GIN1: variants seen among roughly 807,000 people sequenced by gnomAD.
GIN1 encodes the protein gypsy retrotransposon integrase 1, also known as gypsy retrotransposon integrase-like protein 1.
In GIN1, 41 loss-of-function variants were observed where a neutral mutation model predicts 51.4. The observed-to-expected ratio is 0.80, with a 90% confidence interval of 0.62 to 1.04. The LOEUF (loss-of-function observed/expected upper bound fraction) is 1.04. Ranked by LOEUF, GIN1 falls within the 50% of genes least tolerant of loss-of-function variation. GIN1 has a pLI of 0.00. For synonymous variants in GIN1, 222 were observed against 206.5 expected (o/e 1.07, Z -0.64); for missense variants, 610 against 612.4 (o/e 1.00, Z 0.04).
chr5:103,093,324 G>A (rs1182267305), intron 7 of GIN1, among the ~76,000 whole-genome samples: 2 of 152,176 alleles, frequency 1.3e-5, no homozygotes, highest in African/African-American at 2.4e-5. Flanking sequence ...CAGAAGAGGA[G>A]GTTGGAGTAA....
chr5:103,093,514 T>C (rs1241269743), intron 7 of GIN1, among the ~76,000 whole-genome samples: 1 of 152,228 alleles, frequency 6.6e-6, no homozygotes, highest in Non-Finnish European at 1.5e-5. Flanking sequence ...AAGATCTATG[T>C]TGAACTTCTA....
chr5:103,093,726 G>C (rs567446764), intron 7 of GIN1, among the ~76,000 whole-genome samples: 4 of 152,230 alleles, frequency 2.6e-5, no homozygotes, highest in Admixed American at 2.6e-4. Flanking sequence ...TCAAAACTGT[G>C]CAAAATCTAT....
Position 103,088,454 on chromosome 5 carries a change from C to T in GIN1, c.1295-282G>A, listed in dbSNP as rs537319625. On this transcript the variant is annotated intron_variant, in intron 7 of 7. Transcript: ENST00000399004. ...TGTCTTTGGTAGATATGTATATATGCGGACAACGGGATAGAAGGAGTGAGA... is the reference window on the plus strand; with the variant it reads ...TGTCTTTGGTAGATATGTATATATGTGGACAACGGGATAGAAGGAGTGAGA... 2.1e-3 allele frequency among the ~76,000 whole-genome samples: 325 copies of T among 152,070 alleles called. 2 individuals carry two copies. The highest frequency in any genetic ancestry group is 7.7e-3 in the African/African-American group (320 of 41,462).
At chr5:103,098,799 C>A (rs1343263791) in intron 4 of GIN1, among the ~76,000 whole-genome samples, 1 of 152,132 alleles carries the variant, frequency 6.6e-6, no homozygotes, top group Non-Finnish European at 1.5e-5. Context: ...GTCTCAAAAA[C>A]AACCCACTAG....
chr5:103,097,512 T>A (rs781999131), intron 5 of GIN1, 22 bp from the exon 6 acceptor site: 17 of 1,501,104 alleles, frequency 1.1e-5, no homozygotes, highest in South Asian at 9.4e-5. Flanking sequence ...AAAATAAACG[T>A]CAATTTTGTA....
intron 7 of GIN1, among the ~76,000 whole-genome samples, chr5:103,092,217 A>G (rs1039691550): frequency 6.6e-6 from 1 of 152,018 alleles, no homozygotes; most frequent in Non-Finnish European, 1.5e-5. Context: ...TATGTTGCCC[A>G]TGCTGGTCTC....
At chr5:103,117,932 T>C (rs1016884251) in intron 1 of GIN1, among the ~76,000 whole-genome samples, 1 of 152,182 alleles carries the variant, frequency 6.6e-6, no homozygotes, top group African/African-American at 2.4e-5. Flanking sequence ...CAATTACTTG[T>C]TATCCTTAGC....
At chr5:103,092,699 C>G (rs1395771972) in intron 7 of GIN1, among the ~76,000 whole-genome samples, 1 of 98 alleles carries the variant, frequency 0.01, no homozygotes, top group East Asian at 0.25. Context: ...GTAATTCCAA[C>G]ACTTGGGAGG....
At chr5:103,115,374 T>C (rs1393451237) in intron 1 of GIN1, among the ~76,000 whole-genome samples, 1 of 152,154 alleles carries the variant, frequency 6.6e-6, no homozygotes, top group East Asian at 1.9e-4. Context: ...CGTTACCACA[T>C]GGATGAATCT....
intron 1 of GIN1, among the ~76,000 whole-genome samples, chr5:103,112,625 CT>C (rs781973861): frequency 1.3e-5 from 2 of 152,120 alleles, no homozygotes; most frequent in Non-Finnish European, 2.9e-5. Context: ...ATCCTTCCAC[CT>C]GATTAAGCCT....
At chr5:103,089,783 A>T (rs1787185144) in intron 7 of GIN1, among the ~76,000 whole-genome samples, 1 of 152,194 alleles carries the variant, frequency 6.6e-6, no homozygotes, top group Admixed American at 6.5e-5. Context: ...TTGAAAATCA[A>T]TCCTACTGTA....
chr5:103,118,538 G>C (rs938717029), intron 1 of GIN1, among the ~76,000 whole-genome samples: 1 of 152,038 alleles, frequency 6.6e-6, no homozygotes, highest in Non-Finnish European at 1.5e-5. Context: ...ATAATCAGAA[G>C]ACTCACGAAT....
intron 2 of GIN1, among the ~76,000 whole-genome samples, chr5:103,108,121 T>G (rs782570333): frequency 6.6e-6 from 1 of 152,094 alleles, no homozygotes; most frequent in South Asian, 2.1e-4. Flanking sequence ...GAATATTTAA[T>G]GGCAGTGGTG....
chr5:103,102,853 C>G (rs1562331031), intron 4 of GIN1: 1 of 151,992 alleles, frequency 6.6e-6, no homozygotes, highest in Non-Finnish European at 1.5e-5. Context: ...GCACTCCAGG[C>G]TGGGTGACAG....
Position 103,096,794 on chromosome 5 carries a change from TTTA to T in GIN1, c.1038_1040del (p.Asn346del), listed in dbSNP as rs1235433676. On this transcript the variant is annotated inframe_deletion, in exon 7 of 8. Coordinates refer to ENST00000399004, the MANE Select transcript of GIN1 (RefSeq NM_017676.2). ...GTTTCTTTTTAACAATGATCTTGCT[TTTA>T]TTTAGTTCATCCAAATTGTTGTTCT... 1 of 1,602,856 alleles carries T rather than the reference TTTA, an allele frequency of 6.2e-7. No homozygotes were observed. Among genetic ancestry groups the T allele is most frequent in the Non-Finnish European group, 8.5e-7 (1 of 1,170,526 alleles).
chr5:103,091,823 G>C (rs1554194573), intron 7 of GIN1, among the ~76,000 whole-genome samples: 1 of 151,976 alleles, frequency 6.6e-6, no homozygotes, highest in Admixed American at 6.6e-5. Context: ...TCAGGAGTTT[G>C]AGACCAGCCT....
chr5:103,091,853 C>T (rs1328328893), intron 7 of GIN1, among the ~76,000 whole-genome samples: 1 of 151,764 alleles, frequency 6.6e-6, no homozygotes, highest in East Asian at 1.9e-4. Flanking sequence ...GGTGAAACCC[C>T]GTCTCTACTA....
chr5:103,112,818 T>C (rs1787924183), intron 1 of GIN1, among the ~76,000 whole-genome samples: 1 of 152,122 alleles, frequency 6.6e-6, no homozygotes, highest in Non-Finnish European at 1.5e-5. Flanking sequence ...GCTCATTCAG[T>C]TACTGAGCTC....
At chr5:103,092,645 G>T (rs1054273379) in intron 7 of GIN1, among the ~76,000 whole-genome samples, 7 of 151,962 alleles carry the variant, frequency 4.6e-5, no homozygotes, top group Non-Finnish European at 8.8e-5. Context: ...AGTAACTATT[G>T]GTTAAGAAAT....
Sources: allele counts gnomAD v4.1 joint callset (sites outside exome capture counted in the v4.1 genomes callset), GRCh38; gene constraint gnomAD v4.1.1; transcripts MANE v1.5; gene names NCBI Gene and HGNC (gene_info 2026-07-23, HGNC 2026-07-21).